Variants in PIGL observed in about 807,000 individuals in gnomAD.
PIGL encodes the protein phosphatidylinositol glycan anchor biosynthesis class L.
Under a neutral mutation model 31.1 loss-of-function variants are expected in PIGL, and 22 were observed. That is an observed-to-expected ratio of 0.71 (90% CI 0.51 to 1.01). The LOEUF (loss-of-function observed/expected upper bound fraction) is 1.01, where lower values mean the gene tolerates loss of function less well. Among genes scored for constraint, PIGL ranks in the 50% least tolerant of loss-of-function variants. The pLI is 0.00. For synonymous variants in PIGL, 131 were observed against 117.4 expected (o/e 1.12, Z -0.75); for missense variants, 302 against 315.9 (o/e 0.96, Z 0.33).
chr17:16,243,652 C>A (rs2092732324), intron 2 of PIGL, among the ~76,000 whole-genome samples: 1 of 152,150 alleles, frequency 6.6e-6, no homozygotes, highest in Admixed American at 6.6e-5. Flanking sequence ...CTCCGTAAAC[C>A]TCGAAAGATA....
intron 2 of PIGL, among the ~76,000 whole-genome samples, chr17:16,263,032 A>G (rs1220699120): frequency 6.7e-6 from 1 of 149,192 alleles, no homozygotes; most frequent in Non-Finnish European, 1.5e-5. Context: ...AACAGAGTAT[A>G]TAAGTGTTTG....
intron 2 of PIGL, among the ~76,000 whole-genome samples, chr17:16,241,423 T>C (rs1267881542): frequency 6.6e-6 from 1 of 151,800 alleles, no homozygotes; most frequent in Non-Finnish European, 1.5e-5. Context: ...ACCCCATCTC[T>C]ACTAAAAATA....
At chr17:16,262,082 G>A (rs189718614) in intron 2 of PIGL, among the ~76,000 whole-genome samples, 2 of 152,070 alleles carry the variant, frequency 1.3e-5, no homozygotes, top group African/African-American at 4.8e-5. Flanking sequence ...AATTAGCCGG[G>A]TGTGGTGGTG....
chr17:16,317,552 G>T (rs772567986), intron 5 of PIGL: 2 of 1,309,996 alleles, frequency 1.5e-6, no homozygotes, highest in East Asian at 2.9e-5. Context: ...AGGGCACACC[G>T]CAGGGTAGAG....
intron 5 of PIGL, chr17:16,316,953 C>G (rs1465746487): frequency 7.7e-7 from 1 of 1,299,864 alleles, no homozygotes; most frequent in Non-Finnish European, 9.9e-7. Context: ...CTCAACCTGT[C>G]TAGCTTTTTC....
At chr17:16,284,314 A>G (rs1600821683) in intron 2 of PIGL, among the ~76,000 whole-genome samples, 1 of 152,220 alleles carries the variant, frequency 6.6e-6, no homozygotes, top group African/African-American at 2.4e-5. Flanking sequence ...AGGCCGGGAA[A>G]TCCATTCTCC....
intron 3 of PIGL, among the ~76,000 whole-genome samples, chr17:16,306,771 T>C (rs2093028226): frequency 6.6e-6 from 1 of 151,922 alleles, no homozygotes; most frequent in Admixed American, 6.6e-5. Flanking sequence ...TCAGGTGATC[T>C]GCCTGCCTCT....
chr17:16,265,367 G>T (rs1167463734), intron 2 of PIGL, among the ~76,000 whole-genome samples: 1 of 152,120 alleles, frequency 6.6e-6, no homozygotes, highest in Admixed American at 6.6e-5. Context: ...GACTCCTGTG[G>T]GTGTTAACAT....
chr17:16,274,897 T>G (rs1486666714), intron 2 of PIGL, among the ~76,000 whole-genome samples: 1 of 151,590 alleles, frequency 6.6e-6, no homozygotes, highest in East Asian at 1.9e-4. Flanking sequence ...CCGAGTGTGG[T>G]GGCTTGCGCC....
chr17:16,289,209 T>C (rs530171182), intron 2 of PIGL, among the ~76,000 whole-genome samples: 1 of 152,248 alleles, frequency 6.6e-6, no homozygotes, highest in East Asian at 1.9e-4. Flanking sequence ...CCTTACCAGA[T>C]ATTTCACAGC....
chr17:16,235,752 C>CTTT (rs35285920), intron 2 of PIGL, among the ~76,000 whole-genome samples: 20 of 111,522 alleles, frequency 1.8e-4, no homozygotes, highest in South Asian at 5.9e-4. Flanking sequence ...TGTGTCCGGT[C>CTTT]TTTTTTTTTT....
At chr17:16,296,860 G>C (rs1002903244) in intron 2 of PIGL, among the ~76,000 whole-genome samples, 1 of 151,618 alleles carries the variant, frequency 6.6e-6, no homozygotes, top group Non-Finnish European at 1.5e-5. Flanking sequence ...GGGACTACAG[G>C]CGCCCGCCAC....
At chr17:16,266,480 T>C (rs2092843711) in intron 2 of PIGL, among the ~76,000 whole-genome samples, 1 of 152,126 alleles carries the variant, frequency 6.6e-6, no homozygotes, top group African/African-American at 2.4e-5. Flanking sequence ...AATCATGGCT[T>C]CATATCTATG....
At chr17:16,228,382 T>C (rs537167671) in intron 1 of PIGL, among the ~76,000 whole-genome samples, 1 of 151,378 alleles carries the variant, frequency 6.6e-6, no homozygotes, top group Non-Finnish European at 1.5e-5. Context: ...TATTTCTTTA[T>C]TTATTTTATT....
intron 6 of PIGL, among the ~76,000 whole-genome samples, chr17:16,319,443 G>T (rs898181705): frequency 6.6e-6 from 1 of 151,932 alleles, no homozygotes; most frequent in African/African-American, 2.4e-5. Flanking sequence ...ATTCAGACCT[G>T]CCAGGAGCCT....
chr17:16,297,933 G>A (rs2092989469), intron 2 of PIGL, among the ~76,000 whole-genome samples: 1 of 152,196 alleles, frequency 6.6e-6, no homozygotes, highest in East Asian at 1.9e-4. Context: ...GGGCAAGCAA[G>A]CATTACTGCC....
intron 1 of PIGL, among the ~76,000 whole-genome samples, chr17:16,228,050 CTT>C (rs113533456): frequency 5.4e-4 from 69 of 127,780 alleles, no homozygotes; most frequent in African/African-American, 1.5e-3. Context: ...CCATTTTAAA[CTT>C]TTTTTTTTTT....
At chr17:16,234,268 C>T (rs2092690875) in intron 2 of PIGL, 198 bp downstream of exon 2, 1 of 457,602 alleles carries the variant, frequency 2.2e-6, no homozygotes, top group Admixed American at 3.6e-5. Context: ...TGAGACCAGC[C>T]TGGCCAACAT....
At chr17:16,234,198 C>A (rs573322819) in intron 2 of PIGL, 128 bp downstream of exon 2, 1 of 604,602 alleles carries the variant, frequency 1.7e-6, no homozygotes, top group African/African-American at 1.8e-5. Context: ...GGCTCGGTGC[C>A]ATGGTTCACG....
Sources: allele counts gnomAD v4.1 joint callset (sites outside exome capture counted in the v4.1 genomes callset), GRCh38; gene constraint gnomAD v4.1.1; transcripts MANE v1.5; gene names NCBI Gene and HGNC (gene_info 2026-07-23, HGNC 2026-07-21).